The following CELSR1 variants were observed in gnomAD, a reference collection of about 807,000 sequenced individuals.
CELSR1 encodes adhesion G protein-coupled receptor C1.
In CELSR1, 110 loss-of-function variants were observed where a neutral mutation model predicts 249.1. The observed-to-expected ratio is 0.44, with a 90% CI of 0.38 to 0.52. The LOEUF (loss-of-function observed/expected upper bound fraction) is 0.52. CELSR1 is among the 20% of genes least tolerant of loss of function. The pLI is 0.00. For synonymous variants in CELSR1, 2,113 were observed against 1,900.0 expected (o/e 1.11, Z -2.92); for missense variants, 4,109 against 4,296.4 (o/e 0.96, Z 1.22).
intron 5 of CELSR1, among the ~76,000 whole-genome samples, chr22:46,422,480 T>C (rs900009650): frequency 2.7e-5 from 4 of 147,402 alleles, no homozygotes; most frequent in Non-Finnish European, 4.5e-5. Context: ...ACACCTGTAA[T>C]CGCAGCACTT....
chr22:46,460,194 CA>C (rs1569179770), intron 2 of CELSR1, among the ~76,000 whole-genome samples: 6 of 105,694 alleles, frequency 5.7e-5, no homozygotes, highest in Non-Finnish European at 8.0e-5. Flanking sequence ...CACACACACA[CA>C]CACACACACA....
In CELSR1 at chr22:46,364,082, A is replaced by G. The variant is rs2078737054; in HGVS notation, c.8949T>C (p.Pro2983=). 4 of 1,612,272 alleles carry G rather than the reference A, an allele frequency of 2.5e-6. No individual in the cohort carries two copies. The highest frequency in any genetic ancestry group is 3.4e-6 in the Non-Finnish European group (4 of 1,179,640). Residue 2983 remains proline, a synonymous_variant, in exon 34 of 35, where the codon CCT becomes CCC. Transcript: ENST00000674500. ...GGTGGTCACGCCCCGGCTCCCTCCCAGGGCTCTTGACTGTGATGGCGCAGT... is the reference window on the plus strand; with the variant it reads ...GGTGGTCACGCCCCGGCTCCCTCCCGGGGCTCTTGACTGTGATGGCGCAGT... ...GPDCAITVKS[P]GREPGRDHLN...
intron 2 of CELSR1, among the ~76,000 whole-genome samples, chr22:46,456,527 G>C (rs2079952642): frequency 6.6e-6 from 1 of 152,012 alleles, no homozygotes; most frequent in African/African-American, 2.4e-5. Context: ...GCCAGGCGTG[G>C]TGGTGGGCAC....
chr22:46,467,642 G>A (rs1419963093), intron 1 of CELSR1, among the ~76,000 whole-genome samples: 1 of 152,002 alleles, frequency 6.6e-6, no homozygotes, highest in East Asian at 1.9e-4. Context: ...CTAACATGGT[G>A]AAACCCCGTC....
In CELSR1 at chr22:46,391,334, C is replaced by T. The variant is rs746531693; in HGVS notation, c.6149-47G>A. 7 of 1,544,470 alleles carry T rather than the reference C, an allele frequency of 4.5e-6. No individual in the cohort carries two copies. Among genetic ancestry groups the T allele is most frequent in the Middle Eastern group, 1.7e-4 (1 of 5,934 alleles). ...TCTGCTCAGCGGGGCACGCCACACC[C>T]ACGACCACAAACAGGCACCACTGTC... is the stretch of plus-strand genomic sequence containing the variant. On this transcript the variant is annotated intron_variant, in intron 15 of 34. Coordinates refer to ENST00000674500, the MANE Select transcript of CELSR1 (RefSeq NM_001378328.1). This position sits in a 1 kb window ranked among gnomAD's most constrained non-coding sequence, Gnocchi z 4.3.
chr22:46,512,518 G>A lies in CELSR1; in HGVS notation c.3544+21109C>T, dbSNP rs2080584278. Among the ~76,000 whole-genome samples the A allele has an allele frequency of 6.6e-6, 1 of 151,180 alleles. No individual in the cohort carries two copies. The highest frequency in any genetic ancestry group is 6.6e-5 in the Admixed American group (1 of 15,208). ...ACCCGGGAGGCGGAGGTTTCAGTGAGCCGAGATCACACCACTGCACTCCAG... is the reference window on the plus strand; with the variant it reads ...ACCCGGGAGGCGGAGGTTTCAGTGAACCGAGATCACACCACTGCACTCCAG... On this transcript the variant is annotated intron_variant, in intron 1 of 34. Transcript: ENST00000674500. The surrounding 1 kb of genome is among the most constrained non-coding windows in gnomAD (Gnocchi z 5.2).
rs1339514280 is a variant in CELSR1 at position 46,366,979 on chromosome 22, C to T, written c.8205+14G>A. 3.7e-6 allele frequency: 6 copies of T among 1,606,254 alleles called. No homozygotes were observed. ...CCCAGCCCCCAGTCCCGCGGTGTCCCCGGCGCCTCCTACCGTCAGCAGGGT... is the reference window on the plus strand; with the variant it reads ...CCCAGCCCCCAGTCCCGCGGTGTCCTCGGCGCCTCCTACCGTCAGCAGGGT... On this transcript the variant is annotated intron_variant, in intron 29 of 34. Coordinates refer to ENST00000674500, the MANE Select transcript of CELSR1 (RefSeq NM_001378328.1).
Position 46,410,401 on chromosome 22 carries a change from C to T in CELSR1, c.4930G>A (p.Glu1644Lys). 1 of 1,613,432 alleles carries T rather than the reference C, an allele frequency of 6.2e-7. No individual in the cohort carries two copies. Among genetic ancestry groups the T allele is most frequent in the Non-Finnish European group, 8.5e-7 (1 of 1,179,556 alleles). ...ACGCCCTGACGGCCACCCGTACCTT[C>T]CCGGGTGCCATTGTTGGCGATGAAT... ...AGFIANNGTREGCAARRNFCD... is the reference protein window; with the variant it reads ...AGFIANNGTRKGCAARRNFCD... The change falls in exon 7 of 35, where the codon GAA becomes AAA. Residue 1644 changes from glutamate to lysine, a missense_variant. By Grantham distance (56) the Glu-to-Lys change is moderately conservative. This residue lies in a region of CELSR1 where 453 missense variants were observed against 492.0 expected (regional missense o/e 0.92). Coordinates refer to ENST00000674500, the MANE Select transcript of CELSR1 (RefSeq NM_001378328.1). The surrounding 1 kb of genome is among the most constrained non-coding windows in gnomAD (Gnocchi z 6.8).
intron 2 of CELSR1, among the ~76,000 whole-genome samples, chr22:46,451,172 C>T (rs1569172485): frequency 6.6e-6 from 1 of 152,182 alleles, no homozygotes; most frequent in African/African-American, 2.4e-5. Context: ...CCTGGAATCC[C>T]TCCTGAGTCA....
At chr22:46,522,084 G>T (rs186455180) in intron 1 of CELSR1, among the ~76,000 whole-genome samples, 133 of 152,122 alleles carry the variant, frequency 8.7e-4, no homozygotes, top group Non-Finnish European at 1.4e-3. Context: ...GGGTTTTTTT[G>T]TGTGTGTGTC....
intron 1 of CELSR1, among the ~76,000 whole-genome samples, chr22:46,492,284 T>C (rs761348248): frequency 2.0e-5 from 3 of 152,178 alleles, no homozygotes; most frequent in East Asian, 1.9e-4. Flanking sequence ...CATTGTAAAA[T>C]TCTCCTTTAA....
rs1411228873 is a variant in CELSR1 at position 46,448,306 on chromosome 22, G to A, written c.4184-8895C>T. ...ATGGGGGTGGGGGCAGAGGGCCCACGCGAGGGGATGCTGATGTGAACCCCT... is the reference window on the plus strand; with the variant it reads ...ATGGGGGTGGGGGCAGAGGGCCCACACGAGGGGATGCTGATGTGAACCCCT... On this transcript the variant is annotated intron_variant, in intron 2 of 34. Coordinates refer to ENST00000674500, the MANE Select transcript of CELSR1 (RefSeq NM_001378328.1). This position sits in a 1 kb window ranked among gnomAD's most constrained non-coding sequence, Gnocchi z 5.7. 2.0e-5 allele frequency among the ~76,000 whole-genome samples: 3 copies of A among 152,170 alleles called. No homozygotes were observed. Among genetic ancestry groups the A allele is most frequent in the Non-Finnish European group, 4.4e-5 (3 of 68,026 alleles).
rs976742861 is a variant in CELSR1 at position 46,506,413 on chromosome 22, T to A, written c.3544+27214A>T. On this transcript the variant is annotated intron_variant, in intron 1 of 34. Transcript: ENST00000674500. This position sits in a 1 kb window ranked among gnomAD's most constrained non-coding sequence, Gnocchi z 4.1. ...CCCCTCAGTTTCCCAGATCTCAGAC[T>A]TGGGCTCAACCCCTGCAGGCCTCAC... is the stretch of plus-strand genomic sequence containing the variant. Among the ~76,000 whole-genome samples the A allele has an allele frequency of 6.6e-6, 1 of 152,130 alleles. No homozygotes were observed. The highest frequency in any genetic ancestry group is 1.5e-5 in the Non-Finnish European group (1 of 68,024).
rs1483435036 is a variant in CELSR1 at position 46,448,778 on chromosome 22, A to C, written c.4184-9367T>G. Among the ~76,000 whole-genome samples, 4 of 152,172 alleles carry C rather than the reference A, an allele frequency of 2.6e-5. No individual in the cohort carries two copies. The highest frequency in any genetic ancestry group is 1.5e-5 in the Non-Finnish European group (1 of 68,018). On this transcript the variant is annotated intron_variant, in intron 2 of 34. Transcript: ENST00000674500. The surrounding 1 kb of genome is among the most constrained non-coding windows in gnomAD (Gnocchi z 5.7). Reference sequence around the variant, plus strand: ...ACGCAAATGCACAAAACCTGAAGTCAACTCAAAGCCCCATCAAAGAGCTCA... The same window carrying C: ...ACGCAAATGCACAAAACCTGAAGTCCACTCAAAGCCCCATCAAAGAGCTCA...
chr22:46,515,643 AG>A (rs2080619232), intron 1 of CELSR1, among the ~76,000 whole-genome samples: 1 of 152,172 alleles, frequency 6.6e-6, no homozygotes. Flanking sequence ...GGGGACTCAA[AG>A]GCACAGAGGC....
chr22:46,391,361 G>A lies in CELSR1; in HGVS notation c.6149-74C>T. 1 of 1,331,506 alleles carries A rather than the reference G, an allele frequency of 7.5e-7. No individual in the cohort carries two copies. Among genetic ancestry groups the A allele is most frequent in the South Asian group, 1.2e-5 (1 of 80,668 alleles). 82.5% of individuals were successfully genotyped at this position (1,331,506 alleles called of 1,614,324 possible). ...CGACCACAAACAGGCACCACTGTCT[G>A]CATGCGCCTCCCTGCAGGAGGCCCT... On this transcript the variant is annotated intron_variant, in intron 15 of 34. Transcript: ENST00000674500. The surrounding 1 kb of genome is among the most constrained non-coding windows in gnomAD (Gnocchi z 4.3).
chr22:46,505,074 A>G (rs1356617183), intron 1 of CELSR1, among the ~76,000 whole-genome samples: 1 of 151,848 alleles, frequency 6.6e-6, no homozygotes, highest in African/African-American at 2.4e-5. Context: ...CATCCTGGCT[A>G]ACACGGTGAA....
rs1263800832 is a variant in CELSR1, at chr22:46,441,102, G to A, written c.4184-1691C>T. On this transcript the variant is annotated intron_variant, in intron 2 of 34. Coordinates refer to ENST00000674500, the MANE Select transcript of CELSR1 (RefSeq NM_001378328.1). The surrounding 1 kb of genome is among the most constrained non-coding windows in gnomAD (Gnocchi z 6.1). ...CGGGAGGCGGAGGTTGTAGCGAGCC[G>A]AGGTCACACTACCGCACTCCAGCCT... 2.0e-5 allele frequency among the ~76,000 whole-genome samples: 3 copies of A among 150,546 alleles called. No individual in the cohort carries two copies. Among genetic ancestry groups the A allele is most frequent in the Admixed American group, 6.6e-5 (1 of 15,048 alleles).
rs2079074920 is a variant in CELSR1, at chr22:46,390,265, T to C, written c.6345+127A>G. 2.8e-6 allele frequency: 2 copies of C among 723,646 alleles called. No individual in the cohort carries two copies. Among genetic ancestry groups the C allele is most frequent in the East Asian group, 5.8e-5 (2 of 34,510 alleles). The allele number at this position is 723,646 out of a possible 1,614,324, so 44.8% of individuals were successfully genotyped here. On this transcript the variant is annotated intron_variant, in intron 17 of 34. Coordinates refer to ENST00000674500, the MANE Select transcript of CELSR1 (RefSeq NM_001378328.1). The surrounding 1 kb of genome is among the most constrained non-coding windows in gnomAD (Gnocchi z 6.3). ...GCTCCAGGCTGCGGGCCCGTGGGGCTGTCCCTGCGCCATCCCAGCCGCCCC... is the reference window on the plus strand; with the variant it reads ...GCTCCAGGCTGCGGGCCCGTGGGGCCGTCCCTGCGCCATCCCAGCCGCCCC...
Sources: allele counts gnomAD v4.1 joint callset (sites outside exome capture counted in the v4.1 genomes callset), GRCh38; gene constraint gnomAD v4.1.1; regional missense constraint gnomAD v4.1.1; non-coding constraint Gnocchi (gnomAD v3.1); transcripts MANE v1.5; gene names NCBI Gene and HGNC (gene_info 2026-07-23, HGNC 2026-07-21).